MDGA1: variants seen among roughly 807,000 people sequenced by gnomAD.
MDGA1 encodes MAM domain-containing glycosylphosphatidylinositol anchor protein 1.
In MDGA1, 54 loss-of-function variants were observed where a neutral mutation model predicts 101.5. The observed-to-expected ratio is 0.53, with a 90% CI of 0.43 to 0.67. The LOEUF (loss-of-function observed/expected upper bound fraction) is 0.67, where lower values mean the gene tolerates loss of function less well. MDGA1 is among the 30% of genes least tolerant of loss of function. The probability of loss-of-function intolerance (pLI) is 0.00; values close to 1 mark genes in which losing one functional copy is unlikely to be tolerated. For missense variants in MDGA1, 1,083 were observed against 1,323.8 expected (o/e 0.82, Z 2.82); for synonymous variants, 533 against 558.3 (o/e 0.95, Z 0.64).
In MDGA1 at chr6:37,646,364, G is replaced by A. The variant is rs1046717267; in HGVS notation, c.2058C>T (p.His686=). The A allele has an allele frequency of 5.2e-6, 8 of 1,525,402 alleles. No homozygotes were observed. The highest frequency in any genetic ancestry group is 1.7e-4 in the Middle Eastern group (1 of 5,758). 94.5% of individuals were successfully genotyped at this position (1,525,402 alleles called of 1,614,324 possible). ...CCGGGATGGCCTTGACCACCGCATT[G>A]TGCTGGTTCAACTGTTAAGTACAGA... The part of the protein sequence containing the change: ...YRLSIRQLNQ[H]NAVVKAIPVR... The change falls in exon 11 of 17, where the codon CAC becomes CAT. Residue 686 remains histidine, a synonymous_variant. Transcript: ENST00000434837.
Position 37,646,332 on chromosome 6 carries a change from C to T in MDGA1, c.2090G>A (p.Arg697His), listed in dbSNP as rs368133748. 22 of 1,581,982 alleles carry T rather than the reference C, an allele frequency of 1.4e-5. No individual in the cohort carries two copies. Among genetic ancestry groups the T allele is most frequent in the South Asian group, 7.0e-5 (6 of 85,638 alleles). Reference sequence around the variant, plus strand: ...CTCCAGCAGCTGCCCCTTCTCCACACGCCGGACCGGGATGGCCTTGACCAC... The same window carrying T: ...CTCCAGCAGCTGCCCCTTCTCCACATGCCGGACCGGGATGGCCTTGACCAC... ...NAVVKAIPVR[R>H]VEKGQLLEYI... Residue 697 changes from arginine (R) to histidine (H), a missense_variant, in exon 11 of 17, where the codon CGT (arginine) becomes CAT (histidine). Around this residue, in one of 3 missense-constraint regions of MDGA1, gnomAD observed 657 missense variants for 771.4 expected, o/e 0.85. Coordinates refer to ENST00000434837, the MANE Select transcript of MDGA1 (RefSeq NM_153487.4).
At chr6:37,645,024 C>T (rs1761158964) in intron 12 of MDGA1, among the ~76,000 whole-genome samples, 1 of 152,144 alleles carries the variant, frequency 6.6e-6, no homozygotes, top group African/African-American at 2.4e-5. Flanking sequence ...AATTAAATCA[C>T]AAGATCTAGT....
intron 6 of MDGA1, among the ~76,000 whole-genome samples, chr6:37,653,414 A>C (rs1285222709): frequency 6.6e-6 from 1 of 152,144 alleles, no homozygotes; most frequent in Non-Finnish European, 1.5e-5. Context: ...GGTCAGTGAG[A>C]GATGAAGAGA....
chr6:37,673,517 C>T (rs953139065), intron 1 of MDGA1, among the ~76,000 whole-genome samples: 1 of 152,234 alleles, frequency 6.6e-6, no homozygotes, highest in Admixed American at 6.5e-5. Context: ...GCCTGGGCCT[C>T]CTTCTGCCAG....
rs183595966 is a variant in MDGA1 at position 37,643,554 on chromosome 6, G to A, written c.2536+255C>T. 6.6e-5 allele frequency among the ~76,000 whole-genome samples: 10 copies of A among 152,324 alleles called. No individual in the cohort carries two copies. In the East Asian group the frequency reaches 1.2e-3, roughly 18 times the overall value. ...CCCAAAGGGTTGGGATTACAGGCGT[G>A]AGCCACCATGTCCGTCCCCTGCTGG... On this transcript the variant is annotated intron_variant, in intron 14 of 16. Transcript: ENST00000434837.
At chr6:37,665,090 G>C (rs537949152) in intron 1 of MDGA1, among the ~76,000 whole-genome samples, 1 of 152,252 alleles carries the variant, frequency 6.6e-6, no homozygotes, top group Non-Finnish European at 1.5e-5. Flanking sequence ...CCAGGCTAGG[G>C]GACCAAAGCT....
chr6:37,671,863 T>C (rs1341313911), intron 1 of MDGA1, among the ~76,000 whole-genome samples: 1 of 152,092 alleles, frequency 6.6e-6, no homozygotes. Flanking sequence ...AAAACCTTGA[T>C]TAAAAGCACC....
chr6:37,682,904 T>G (rs1762126548), intron 1 of MDGA1, among the ~76,000 whole-genome samples: 3 of 152,246 alleles, frequency 2.0e-5, no homozygotes, highest in Admixed American at 2.0e-4. Context: ...TATTCAGGGG[T>G]GCAGGCCACT....
At chr6:37,673,624 T>C (rs147761547) in intron 1 of MDGA1, among the ~76,000 whole-genome samples, 11 of 151,882 alleles carry the variant, frequency 7.2e-5, no homozygotes, top group South Asian at 6.3e-4. Context: ...GCATCGGGAG[T>C]TGCTCTGCCC....
rs1222554528 is a variant in MDGA1 at position 37,652,343 on chromosome 6, G to A, written c.983-3C>T. The stretch of plus-strand genomic sequence containing the variant: ...CTGGAATGTAGCGTTCTTCATGGCT[G>A]TGAGTGGATGGGGAGGGAAGGGTAG... On this transcript the variant is annotated splice_region_variant and splice_polypyrimidine_tract_variant and intron_variant, in intron 6 of 16. Transcript: ENST00000434837. This position sits in a 1 kb window ranked among gnomAD's most constrained non-coding sequence, Gnocchi z 4.3. The A allele has an allele frequency of 3.1e-6, 5 of 1,600,478 alleles. No homozygotes were observed. The South Asian group carries it at 4.4e-5, about 14-fold the overall frequency.
intron 14 of MDGA1, chr6:37,643,492 G>A (rs1561840381): frequency 4.0e-6 from 1 of 252,880 alleles, no homozygotes; most frequent in South Asian, 6.8e-5. Flanking sequence ...GGCTTGTCTT[G>A]AACTCCTGAC....
chr6:37,696,652 G>A lies in MDGA1; in HGVS notation c.67+93C>T. The A allele has an allele frequency of 1.6e-6, 2 of 1,247,924 alleles. No homozygotes were observed. The highest frequency in any genetic ancestry group is 2.3e-6 in the Non-Finnish European group (2 of 872,232). 77.3% of individuals were successfully genotyped at this position (1,247,924 alleles called of 1,614,324 possible). ...CATCCACTCCAGAGTCCGAGTCGAG[G>A]TCTCCACCAAACCCCGGCAGCGCGC... On this transcript the variant is annotated intron_variant, in intron 1 of 16. Transcript: ENST00000434837. This position sits in a 1 kb window ranked among gnomAD's most constrained non-coding sequence, Gnocchi z 5.6.
chr6:37,680,908 A>T (rs1374785417), intron 1 of MDGA1, among the ~76,000 whole-genome samples: 1 of 152,150 alleles, frequency 6.6e-6, no homozygotes, highest in Non-Finnish European at 1.5e-5. Context: ...CCAAATCCAC[A>T]ACTGAGCTCT....
At chr6:37,657,168 A>T (rs978855197) in intron 3 of MDGA1, among the ~76,000 whole-genome samples, 1 of 150,716 alleles carries the variant, frequency 6.6e-6, no homozygotes, top group South Asian at 2.1e-4. Flanking sequence ...TTAAAAAAAT[A>T]ATTAAAAAGC....
chr6:37,663,942 G>A, intron 2 of MDGA1, 25 bp downstream of exon 2: 1 of 1,613,246 alleles, frequency 6.2e-7, no homozygotes, highest in East Asian at 2.2e-5. Context: ...GGAGGGGCCT[G>A]AGCAAGGCTG....
At position 37,696,891 on chromosome 6, in the gene MDGA1, C is replaced by A. The variant is rs1762433183; in HGVS notation, c.-80G>T. On this transcript the variant is annotated 5_prime_UTR_variant, in exon 1 of 17. Transcript: ENST00000434837. This position sits in a 1 kb window ranked among gnomAD's most constrained non-coding sequence, Gnocchi z 5.6. ...GGGCGCATTCGCCGGGGCCCCGCGA[C>A]GCCCCTATGTCCCCCCCTTTCCCTG... 4 of 1,149,954 alleles carry A rather than the reference C, an allele frequency of 3.5e-6. No individual in the cohort carries two copies. The South Asian group carries it at 4.0e-5, about 11-fold the overall frequency. The allele number at this position is 1,149,954 out of a possible 1,614,324, so 71.2% of individuals were successfully genotyped here.
intron 10 of MDGA1, 80 bp downstream of exon 10, chr6:37,647,093 C>T (rs1761221499): frequency 3.0e-6 from 4 of 1,346,348 alleles, no homozygotes; most frequent in Admixed American, 4.0e-5. Flanking sequence ...CCGACCCTTC[C>T]TCTGGCCTTG....
intron 2 of MDGA1, among the ~76,000 whole-genome samples, chr6:37,663,508 C>T (rs994287015): frequency 1.3e-5 from 2 of 152,228 alleles, no homozygotes; most frequent in Admixed American, 6.5e-5. Context: ...GAGCTGCGTG[C>T]GCTTGGGAGT....
chr6:37,694,496 G>A (rs1217076903), intron 1 of MDGA1, among the ~76,000 whole-genome samples: 1 of 152,210 alleles, frequency 6.6e-6, no homozygotes, highest in Non-Finnish European at 1.5e-5. Context: ...CTCTCATGCT[G>A]TTTCTTCTGC....
Sources: allele counts gnomAD v4.1 joint callset (sites outside exome capture counted in the v4.1 genomes callset), GRCh38; gene constraint gnomAD v4.1.1; regional missense constraint gnomAD v4.1.1; non-coding constraint Gnocchi (gnomAD v3.1); transcripts MANE v1.5; gene names NCBI Gene and HGNC (gene_info 2026-07-23, HGNC 2026-07-21).